Variants in IPMK observed in about 807,000 individuals in gnomAD.
IPMK encodes inositol 1,3,4,6-tetrakisphosphate 5-kinase.
In IPMK, 17 loss-of-function variants were observed where a neutral mutation model predicts 45.8. The observed-to-expected ratio is 0.37, with a 90% confidence interval of 0.25 to 0.56. The LOEUF is 0.56. Ranked by LOEUF, IPMK falls within the 20% of genes least tolerant of loss-of-function variation. The probability of loss-of-function intolerance (pLI) is 0.79; values close to 1 mark genes in which losing one functional copy is unlikely to be tolerated. For missense variants in IPMK, 399 were observed against 498.0 expected (o/e 0.80, Z 1.89); for synonymous variants, 180 against 184.3 (o/e 0.98, Z 0.19).
At chr10:58,219,440 T>C (rs1183176676) in intron 3 of IPMK, among the ~76,000 whole-genome samples, 1 of 152,182 alleles carries the variant, frequency 6.6e-6, no homozygotes, top group Non-Finnish European at 1.5e-5. Flanking sequence ...TAAATCTGAT[T>C]ATTAATTCAC....
chr10:58,246,568 G>T (rs7920694), intron 1 of IPMK, among the ~76,000 whole-genome samples: 12,603 of 101,674 alleles, frequency 0.12, 1,511 homozygotes, highest in African/African-American at 0.29. Flanking sequence ...ATTCCCTATT[G>T]AATAAATGGT....
At chr10:58,247,667 A>G (rs1299078286) in intron 1 of IPMK, among the ~76,000 whole-genome samples, 3 of 152,030 alleles carry the variant, frequency 2.0e-5, no homozygotes, top group Admixed American at 2.0e-4. Flanking sequence ...GGGTGGGAGG[A>G]GGGGTGAGGG....
intron 1 of IPMK, among the ~76,000 whole-genome samples, chr10:58,259,464 G>T (rs1180501716): frequency 1.4e-5 from 1 of 69,364 alleles, no homozygotes; most frequent in East Asian, 6.8e-4. Flanking sequence ...CCTTAATAAT[G>T]AATGAATGAA....
Position 58,196,635 on chromosome 10 carries a change from T to C in IPMK, c.692A>G (p.Gln231Arg), listed in dbSNP as rs1301318322. The change falls in exon 6 of 6, where the codon CAG (glutamine) becomes CGG (arginine). Residue 231 changes from glutamine (Q) to arginine (R), a missense_variant. By Grantham distance (43) the Gln-to-Arg change is conservative (BLOSUM62 1). Transcript: ENST00000373935. Reference sequence around the variant, plus strand: ...CCACTGCAGAATTTTCTCAATCTTCTGAATACTGGCAGCAACAGCATCTTT... The same window carrying C: ...CCACTGCAGAATTTTCTCAATCTTCCGAATACTGGCAGCAACAGCATCTTT... Reference protein sequence around the residue: ...LRKDAVAASIQKIEKILQWFE... With the variant: ...LRKDAVAASIRKIEKILQWFE... 2 of 1,613,704 alleles carry C rather than the reference T, an allele frequency of 1.2e-6. No individual in the cohort carries two copies. The highest frequency in any genetic ancestry group is 2.2e-5 in the East Asian group (1 of 44,866).
chr10:58,226,015 G>T (rs1485499063), intron 3 of IPMK, among the ~76,000 whole-genome samples: 2 of 152,050 alleles, frequency 1.3e-5, no homozygotes, highest in South Asian at 2.1e-4. Context: ...AGGAATTAAG[G>T]GAGGAAGGAA....
Position 58,266,896 on chromosome 10 carries a change from G to A in IPMK, c.190+526C>T, listed in dbSNP as rs1245101565. Among the ~76,000 whole-genome samples, 3 of 152,118 alleles carry A rather than the reference G, an allele frequency of 2.0e-5. No individual in the cohort carries two copies. In the East Asian group the frequency reaches 5.8e-4, roughly 29 times the overall value. ...CCAGAAAAACCTCCTCAAGGGACAG[G>A]GAAAAATCACGGACAAGCTTTCTTC... On this transcript the variant is annotated intron_variant, in intron 1 of 5. Transcript: ENST00000373935.
At chr10:58,204,057 T>A (rs903839950) in intron 4 of IPMK, among the ~76,000 whole-genome samples, 2 of 129,052 alleles carry the variant, frequency 1.5e-5, no homozygotes, top group African/African-American at 7.8e-5. Context: ...GTATACACAC[T>A]GTTTTTTAAA....
chr10:58,211,223 G>A (rs2790158), intron 4 of IPMK, among the ~76,000 whole-genome samples: 50,508 of 148,630 alleles, frequency 0.34, 10,746 homozygotes, highest in African/African-American at 0.61. Flanking sequence ...ACAGAGTCTC[G>A]CTCTGTCACC....
rs1247247609 is a variant in IPMK at position 58,267,661 on chromosome 10, G to A, written c.-50C>T. The A allele has an allele frequency of 8.3e-7, 1 of 1,205,926 alleles. No individual in the cohort carries two copies. Among genetic ancestry groups the A allele is most frequent in the African/African-American group, 1.5e-5 (1 of 66,436 alleles). The allele number at this position is 1,205,926 out of a possible 1,614,324, so 74.7% of individuals were successfully genotyped here. A position where few individuals can be genotyped will look rare whatever the true frequency, so the allele number is the denominator to read the frequency against. On this transcript the variant is annotated 5_prime_UTR_variant, in exon 1 of 6. Transcript: ENST00000373935. ...CAGCGAGAGTAGGAAAAAAAATAGG[G>A]CGAGGGAGGGGGCGCCGGAGAACCC...
At chr10:58,257,470 G>A (rs1838988635) in intron 1 of IPMK, among the ~76,000 whole-genome samples, 1 of 151,908 alleles carries the variant, frequency 6.6e-6, no homozygotes, top group Non-Finnish European at 1.5e-5. Context: ...ACTCCAGCCT[G>A]GGCAACGGAG....
chr10:58,236,998 C>G (rs1044965042), intron 2 of IPMK, among the ~76,000 whole-genome samples: 4 of 152,136 alleles, frequency 2.6e-5, no homozygotes, highest in African/African-American at 9.7e-5. Flanking sequence ...ATAGCTTGAG[C>G]CTGGGAGGCA....
chr10:58,252,611 C>CTTTT (rs113777957), intron 1 of IPMK, among the ~76,000 whole-genome samples: 63 of 111,168 alleles, frequency 5.7e-4, no homozygotes, highest in Non-Finnish European at 6.9e-4. Context: ...GTTTTCTTTT[C>CTTTT]TTTTTTTTTT....
chr10:58,250,416 TTTGTTG>T (rs57197711), intron 1 of IPMK, among the ~76,000 whole-genome samples: 36 of 151,374 alleles, frequency 2.4e-4, no homozygotes, highest in Admixed American at 6.6e-4. Flanking sequence ...TCCTAGGGTT[TTTGTTG>T]TTGTTGTTGT....
intron 2 of IPMK, among the ~76,000 whole-genome samples, chr10:58,230,597 G>A (rs543266936): frequency 1.3e-5 from 2 of 152,224 alleles, no homozygotes; most frequent in Admixed American, 6.5e-5. Context: ...ACTGTTAGAA[G>A]GAAAACTAAC....
At chr10:58,200,414 C>T (rs1014117246) in intron 4 of IPMK, among the ~76,000 whole-genome samples, 1 of 152,018 alleles carries the variant, frequency 6.6e-6, no homozygotes, top group Admixed American at 6.6e-5. Context: ...CCACCACGCC[C>T]GGCCTCAATA....
intron 1 of IPMK, among the ~76,000 whole-genome samples, chr10:58,249,393 A>C (rs544695360): frequency 7.2e-5 from 11 of 152,292 alleles, no homozygotes; most frequent in South Asian, 4.1e-4. Flanking sequence ...TTGACGTTTT[A>C]ATAATAGCCA....
chr10:58,213,565 T>C (rs1031813599), intron 4 of IPMK, among the ~76,000 whole-genome samples: 5 of 152,152 alleles, frequency 3.3e-5, no homozygotes, highest in African/African-American at 1.2e-4. Flanking sequence ...CGGGTGCCTG[T>C]AGTCCCAGCT....
chr10:58,263,834 A>G (rs1247580672), intron 1 of IPMK, among the ~76,000 whole-genome samples: 2 of 152,234 alleles, frequency 1.3e-5, no homozygotes, highest in Admixed American at 1.3e-4. Context: ...TCCCATCGTA[A>G]GGAACTATCA....
intron 1 of IPMK, among the ~76,000 whole-genome samples, chr10:58,246,481 G>A (rs1216402813): frequency 7.0e-6 from 1 of 143,244 alleles, no homozygotes; most frequent in Admixed American, 6.7e-5. Context: ...ACAGAAAAGA[G>A]CCCTCAGAAA....
Sources: gnomAD v4.1 joint callset for allele counts (sites outside exome capture counted in the v4.1 genomes callset) on GRCh38, gnomAD v4.1.1 for gene constraint, MANE v1.5 for transcripts, NCBI Gene and HGNC (gene_info 2026-07-23, HGNC 2026-07-21) for gene names.